Variants in NBAS observed in about 807,000 individuals in gnomAD.
The protein encoded by NBAS is NAG/BC035112 fusion.
In NBAS, 219 loss-of-function variants were observed where a neutral mutation model predicts 302.5. That is an observed-to-expected ratio of 0.72 (90% CI 0.65 to 0.81). The LOEUF (loss-of-function observed/expected upper bound fraction) is 0.81. Ranked by LOEUF, NBAS falls within the 30% of genes least tolerant of loss-of-function variation. The probability of loss-of-function intolerance (pLI) is 0.00; values close to 1 mark genes in which losing one functional copy is unlikely to be tolerated. For missense variants in NBAS, 2,932 were observed against 2,841.6 expected, an observed-to-expected ratio of 1.03 and a Z score of -0.72; for synonymous variants, 1,118 against 1,021.6, an observed-to-expected ratio of 1.09 and a Z score of -1.80.
At chr2:15,182,744 C>T (rs1448282872) in intron 50 of NBAS, among the ~76,000 whole-genome samples, 4 of 152,166 alleles carry the variant, frequency 2.6e-5, no homozygotes, top group Non-Finnish European at 4.4e-5. Flanking sequence ...GAGAAGGATA[C>T]ATAACTTTTG....
the NBAS span, among the ~76,000 whole-genome samples, chr2:14,969,291 C>T: frequency 4.6e-5 from 7 of 152,190 alleles, no homozygotes; most frequent in Admixed American, 4.6e-4. Context: ...TTGCACAAAT[C>T]TGAATATTTG....
chr2:14,902,954 C>T, the NBAS span, among the ~76,000 whole-genome samples: 1 of 151,900 alleles, frequency 6.6e-6, no homozygotes, highest in Non-Finnish European at 1.5e-5. Context: ...TGGGTAAGCC[C>T]ATGATAAAAG....
chr2:15,558,716 AT>A, intron 1 of NBAS, 82 bp from the exon 2 acceptor site: 1 of 1,060,006 alleles, frequency 9.4e-7, no homozygotes, highest in Non-Finnish European at 1.4e-6. Flanking sequence ...ATGTAAACTT[AT>A]TTTTATTTAC....
the NBAS span, among the ~76,000 whole-genome samples, chr2:14,972,721 G>A: frequency 1.2e-3 from 182 of 152,276 alleles, 1 homozygote; most frequent in African/African-American, 4.1e-3. Context: ...CAAAGAAATC[G>A]TCTGAAAGTA....
chr2:15,514,801 C>G (rs1662310780), intron 9 of NBAS, among the ~76,000 whole-genome samples: 1 of 151,896 alleles, frequency 6.6e-6, no homozygotes, highest in African/African-American at 2.4e-5. Flanking sequence ...TTTTTTATGT[C>G]CTGGGTATTG....
At chr2:15,202,712 C>G (rs930921431) in intron 48 of NBAS, among the ~76,000 whole-genome samples, 15 of 151,974 alleles carry the variant, frequency 9.9e-5, no homozygotes, top group African/African-American at 3.4e-4. Context: ...GCTAATTTTG[C>G]ATTTTTAGTA....
the NBAS span, among the ~76,000 whole-genome samples, chr2:14,984,480 C>G: frequency 6.6e-6 from 1 of 152,162 alleles, no homozygotes; most frequent in Admixed American, 6.5e-5. Context: ...CATTAAAGGG[C>G]GTGTGTGAGC....
At chr2:15,302,071 C>T (rs189041375) in intron 40 of NBAS, among the ~76,000 whole-genome samples, 74 of 152,230 alleles carry the variant, frequency 4.9e-4, no homozygotes, top group Middle Eastern at 3.4e-3. Context: ...TGTCGCAGGA[C>T]GTTTAGGTGA....
In NBAS at chr2:15,166,967, G is replaced by A. The variant is rs1572383088; in HGVS notation, c.*81C>T. 13 of 1,454,178 alleles carry A rather than the reference G, an allele frequency of 8.9e-6. No individual in the cohort carries two copies. Among genetic ancestry groups the A allele is most frequent in the African/African-American group, 2.8e-5 (2 of 70,684 alleles). The allele number at this position is 1,454,178 out of a possible 1,614,324, so 90.1% of individuals were successfully genotyped here. The stretch of plus-strand genomic sequence containing the variant: ...TTTGTTGGAACCATGGAGAACAATC[G>A]GCAGATACACATGTTGCTTCTGGGA... On this transcript the variant is annotated 3_prime_UTR_variant, in exon 52 of 52. Transcript: ENST00000281513.
At chr2:14,933,987 T>C in the NBAS span, among the ~76,000 whole-genome samples, 17 of 152,198 alleles carry the variant, frequency 1.1e-4, no homozygotes, top group Admixed American at 2.0e-4. Flanking sequence ...CAAAGCCATA[T>C]TGATTTCTGA....
intron 40 of NBAS, among the ~76,000 whole-genome samples, chr2:15,304,964 G>A (rs1257578524): frequency 6.6e-6 from 1 of 152,172 alleles, no homozygotes; most frequent in African/African-American, 2.4e-5. Context: ...AGGCTCATAG[G>A]CAGGAGGGAC....
At chr2:14,920,983 A>G in the NBAS span, among the ~76,000 whole-genome samples, 1 of 151,938 alleles carries the variant, frequency 6.6e-6, no homozygotes, top group Non-Finnish European at 1.5e-5. Context: ...TTGTAATCAC[A>G]GCTTGCCCTA....
intron 32 of NBAS, 63 bp from the exon 33 acceptor site, chr2:15,356,479 G>T: frequency 9.4e-7 from 1 of 1,067,136 alleles, no homozygotes; most frequent in Non-Finnish European, 1.5e-6. Context: ...AGAAGAGCTT[G>T]TTAACACTGT....
At chr2:15,553,537 C>G in intron 4 of NBAS, 64 bp from the exon 5 acceptor site, 1 of 1,353,198 alleles carries the variant, frequency 7.4e-7, no homozygotes, top group South Asian at 1.2e-5. Context: ...GTTTTCAGCA[C>G]AGATGGAATT....
chr2:15,559,849 T>C (rs981265688), intron 1 of NBAS, among the ~76,000 whole-genome samples: 17 of 152,186 alleles, frequency 1.1e-4, no homozygotes, highest in African/African-American at 3.9e-4. Context: ...AACCAATGAG[T>C]GTTAAGGAGT....
At chr2:15,194,545 T>A (rs982040013) in intron 48 of NBAS, among the ~76,000 whole-genome samples, 6 of 152,164 alleles carry the variant, frequency 3.9e-5, no homozygotes, top group African/African-American at 1.4e-4. Flanking sequence ...TCTTAAATAC[T>A]GGCTAAACAA....
the NBAS span, among the ~76,000 whole-genome samples, chr2:15,025,698 C>T: frequency 6.6e-6 from 1 of 151,868 alleles, no homozygotes; most frequent in African/African-American, 2.4e-5. Flanking sequence ...TATCTGTATT[C>T]CCAGGTATTT....
chr2:15,429,590 T>C (rs953379764), intron 21 of NBAS, among the ~76,000 whole-genome samples: 1 of 152,182 alleles, frequency 6.6e-6, no homozygotes, highest in Non-Finnish European at 1.5e-5. Context: ...CAGTGACGAC[T>C]GATCAATCAA....
At chr2:15,432,847 G>A (rs1049779579) in intron 21 of NBAS, among the ~76,000 whole-genome samples, 12 of 151,846 alleles carry the variant, frequency 7.9e-5, no homozygotes, top group African/African-American at 1.9e-4. Flanking sequence ...ACACCAAGTC[G>A]AAAAAAAAGC....
Sources: gnomAD v4.1 joint callset for allele counts (sites outside exome capture counted in the v4.1 genomes callset) on GRCh38, gnomAD v4.1.1 for gene constraint, MANE v1.5 for transcripts, NCBI Gene and HGNC (gene_info 2026-07-23, HGNC 2026-07-21) for gene names.